MAOB: variants seen among roughly 807,000 people sequenced by gnomAD.
The protein encoded by MAOB is monoamine oxidase B, also known as amine oxidase [flavin-containing] B.
A neutral mutation model predicts 41.9 loss-of-function variants in MAOB; 15 were observed. The ratio of observed to expected loss-of-function variants is 0.36; its 90% CI spans 0.24 to 0.55. The LOEUF (loss-of-function observed/expected upper bound fraction) is 0.55, where lower values mean the gene tolerates loss of function less well. Ranked by LOEUF, MAOB falls within the 20% of genes least tolerant of loss-of-function variation. MAOB has a pLI of 0.86. For synonymous variants in MAOB, 167 were observed against 144.2 expected (o/e 1.16, Z -1.13); for missense variants, 345 against 398.7 (o/e 0.87, Z 1.15).
intron 3 of MAOB, among the ~76,000 whole-genome samples, chrX:43,830,998 T>A (rs1350279186): frequency 8.6e-5 from 6 of 70,144 alleles, no homozygotes; most frequent in African/African-American, 4.4e-4. Flanking sequence ...TGATTAAGTG[T>A]GTGTGTGTGT....
At chrX:43,829,914 G>T (rs764073052) in intron 3 of MAOB, among the ~76,000 whole-genome samples, 6 of 111,866 alleles carry the variant, frequency 5.4e-5, no homozygotes, top group African/African-American at 1.9e-4. Flanking sequence ...TGAGCACTGT[G>T]TGCCTGGTCC....
chrX:43,806,331 T>A (rs1033543710), intron 3 of MAOB, among the ~76,000 whole-genome samples: 8 of 112,065 alleles, frequency 7.1e-5, no homozygotes, highest in African/African-American at 2.3e-4. Flanking sequence ...AGTCCCTTAT[T>A]TTTCATAACC....
rs12389168 is a variant in MAOB, at chrX:43,798,898, C to T, written c.477-1632G>A. Among the ~76,000 whole-genome samples, 635 of 111,438 alleles carry T rather than the reference C, an allele frequency of 5.7e-3. 3 individuals are homozygous for T. The highest frequency in any genetic ancestry group is 0.02 in the African/African-American group (601 of 30,713). On this transcript the variant is annotated intron_variant, in intron 5 of 14. Transcript: ENST00000378069. ...TTTCCACAGTTCACATGCTAGAAAA[C>T]GGAGTCTCGGACAGTTTAGGAATAT...
intron 10 of MAOB, among the ~76,000 whole-genome samples, chrX:43,779,817 G>T (rs935263344): frequency 1.8e-5 from 2 of 111,903 alleles, no homozygotes; most frequent in Non-Finnish European, 3.8e-5. Flanking sequence ...TAGGTTATTA[G>T]CAGTGGTGTG....
intron 3 of MAOB, among the ~76,000 whole-genome samples, chrX:43,822,438 T>C (rs1327385923): frequency 1.8e-5 from 2 of 111,855 alleles, no homozygotes; most frequent in African/African-American, 3.3e-5. Context: ...ATAAGAAGGA[T>C]GCTGGGAAGA....
At chrX:43,826,624 G>A (rs965720454) in intron 3 of MAOB, among the ~76,000 whole-genome samples, 5 of 112,261 alleles carry the variant, frequency 4.5e-5, no homozygotes, top group Non-Finnish European at 7.5e-5. Flanking sequence ...AGAACAAGGT[G>A]CTGGCATCTG....
chrX:43,815,418 T>C (rs1444338698), intron 3 of MAOB, among the ~76,000 whole-genome samples: 1 of 112,053 alleles, frequency 8.9e-6, no homozygotes, highest in East Asian at 2.8e-4. Flanking sequence ...AATGTGCTTT[T>C]CAAAAATAGA....
chrX:43,794,642 C>A (rs2034505081), intron 7 of MAOB, among the ~76,000 whole-genome samples: 1 of 110,259 alleles, frequency 9.1e-6, no homozygotes, highest in African/African-American at 3.3e-5. Context: ...TACATAAAAG[C>A]AAAATACAGA....
intron 8 of MAOB, among the ~76,000 whole-genome samples, chrX:43,791,756 C>CA (rs573394731): frequency 0.052 from 4,990 of 96,395 alleles, 261 homozygotes; most frequent in South Asian, 0.18. Flanking sequence ...GACTCCGTCT[C>CA]AAAAAAAAAA....
At chrX:43,879,403 AG>A (rs750055456) in intron 1 of MAOB, among the ~76,000 whole-genome samples, 1 of 112,467 alleles carries the variant, frequency 8.9e-6, no homozygotes, top group African/African-American at 3.2e-5. Flanking sequence ...TAGAACGCAG[AG>A]TCAAATCCAG....
At chrX:43,787,233 A>G (rs1426469770) in intron 8 of MAOB, among the ~76,000 whole-genome samples, 1 of 111,476 alleles carries the variant, frequency 9.0e-6, no homozygotes, top group Non-Finnish European at 1.9e-5. Flanking sequence ...GCATGTTCAG[A>G]ATAAAATAAG....
At chrX:43,799,250 T>C (rs1025683710) in intron 5 of MAOB, among the ~76,000 whole-genome samples, 10 of 112,586 alleles carry the variant, frequency 8.9e-5, no homozygotes, top group Non-Finnish European at 1.7e-4. Flanking sequence ...ATTGAAGGGA[T>C]GGAAATTGCT....
chrX:43,875,648 G>A (rs952573024), intron 1 of MAOB, among the ~76,000 whole-genome samples: 4 of 111,588 alleles, frequency 3.6e-5, no homozygotes, highest in Non-Finnish European at 7.5e-5. Flanking sequence ...ACACCTGAAC[G>A]TGGCCCCTCA....
rs1038044120 is a variant in MAOB, at chrX:43,840,539, G to A, written c.142-1534C>T. ...GAACAGCTCCAGTCTGCAGTTCCCA[G>A]TGAGATCAACACAGAAGGCAGGTGA... is the stretch of plus-strand genomic sequence containing the variant. On this transcript the variant is annotated intron_variant, in intron 2 of 14. Coordinates refer to ENST00000378069, the MANE Select transcript of MAOB (RefSeq NM_000898.5). Among the ~76,000 whole-genome samples the A allele has an allele frequency of 7.3e-5, 8 of 109,930 alleles. No individual in the cohort carries two copies. In the Admixed American group the frequency reaches 7.7e-4, roughly 11 times the overall value.
chrX:43,775,957 G>A (rs2034250258), intron 11 of MAOB, among the ~76,000 whole-genome samples: 1 of 112,521 alleles, frequency 8.9e-6, no homozygotes, highest in Non-Finnish European at 1.9e-5. Context: ...TTTAAAGGGA[G>A]ATTTTGAAAA....
chrX:43,781,799 C>G (rs1035707978), intron 8 of MAOB, among the ~76,000 whole-genome samples: 3 of 111,838 alleles, frequency 2.7e-5, no homozygotes, highest in African/African-American at 6.5e-5. Context: ...TCCAGGTCAC[C>G]GTTTAATGAA....
At chrX:43,808,416 G>A (rs1009103112) in intron 3 of MAOB, among the ~76,000 whole-genome samples, 5 of 111,395 alleles carry the variant, frequency 4.5e-5, no homozygotes, top group African/African-American at 6.5e-5. Flanking sequence ...CCCAGCAGAT[G>A]TGGTTAATTA....
chrX:43,773,860 T>C (rs1441241719), intron 12 of MAOB, among the ~76,000 whole-genome samples: 1 of 111,968 alleles, frequency 8.9e-6, no homozygotes, highest in Non-Finnish European at 1.9e-5. Context: ...CCAATAAACC[T>C]CTTACTTTTG....
chrX:43,842,283 A>G (rs753600844), intron 2 of MAOB, among the ~76,000 whole-genome samples: 1 of 112,577 alleles, frequency 8.9e-6, no homozygotes, highest in East Asian at 2.8e-4. Context: ...GAAGACATGC[A>G]AATGGCCAAC....
Sources: gnomAD v4.1 joint callset for allele counts (sites outside exome capture counted in the v4.1 genomes callset) on GRCh38, gnomAD v4.1.1 for gene constraint, MANE v1.5 for transcripts, NCBI Gene and HGNC (gene_info 2026-07-23, HGNC 2026-07-21) for gene names.